Variants in THOC2 observed in about 807,000 individuals in gnomAD.
The protein encoded by THOC2 is THO complex subunit 2.
In THOC2, 10 loss-of-function variants were observed where a neutral mutation model predicts 128.4. That is an observed-to-expected ratio of 0.08 (90% confidence interval 0.05 to 0.13). The LOEUF is 0.13. THOC2 is among the 10% of genes least tolerant of loss of function. The pLI is 1.00. For synonymous variants in THOC2, 393 were observed against 396.9 expected (o/e 0.99, Z 0.12); for missense variants, 535 against 1,155.7 (o/e 0.46, Z 7.79).
At chrX:123,717,821 C>T (rs2051497092) in intron 1 of THOC2, among the ~76,000 whole-genome samples, 1 of 112,253 alleles carries the variant, frequency 8.9e-6, no homozygotes, top group Non-Finnish European at 1.9e-5. Context: ...CCAGGACCAT[C>T]TCCCACACAC....
intron 24 of THOC2, 30 bp from the exon 25 acceptor site, chrX:123,626,099 G>T: frequency 9.1e-7 from 1 of 1,094,126 alleles, no homozygotes; most frequent in Non-Finnish European, 1.2e-6. Context: ...ATATTAAGTG[G>T]TAAACTTCTT....
At position 123,687,171 on chromosome X, in the gene THOC2, G is replaced by A. The variant is rs759545278; in HGVS notation, c.602-457C>T. 1.5e-4 allele frequency among the ~76,000 whole-genome samples: 17 copies of A among 111,201 alleles called. No homozygotes were observed. In the East Asian group the frequency reaches 4.8e-3, roughly 31 times the overall value. On this transcript the variant is annotated intron_variant, in intron 7 of 38. Transcript: ENST00000245838. ...ATGCTGATAAACAGTTAAAAGTCCG[G>A]GTTCACAAAAGTGGACCATCATTTT... is the stretch of plus-strand genomic sequence containing the variant.
intron 9 of THOC2, among the ~76,000 whole-genome samples, chrX:123,669,298 A>T (rs2049168526): frequency 9.2e-6 from 1 of 109,087 alleles, no homozygotes; most frequent in African/African-American, 3.3e-5. Context: ...TACACCTGGC[A>T]CAGGTCCTCT....
chrX:123,707,779 A>G (rs1313036405), intron 2 of THOC2, among the ~76,000 whole-genome samples: 1 of 110,784 alleles, frequency 9.0e-6, no homozygotes, highest in African/African-American at 3.3e-5. Flanking sequence ...TCTCCTTTTG[A>G]GTGGAATCAA....
At chrX:123,632,555 T>C (rs773420122) in intron 21 of THOC2, among the ~76,000 whole-genome samples, 1 of 102,315 alleles carries the variant, frequency 9.8e-6, no homozygotes, top group South Asian at 4.9e-4. Context: ...CAAGCAAGCA[T>C]CTATTCTGTT....
chrX:123,700,909 G>A (rs920155913), intron 4 of THOC2, among the ~76,000 whole-genome samples: 2 of 111,340 alleles, frequency 1.8e-5, no homozygotes, highest in Non-Finnish European at 3.8e-5. Context: ...ATTATTAGAG[G>A]TAGCTAGCAT....
At chrX:123,634,593 A>C (rs989334718) in intron 19 of THOC2, among the ~76,000 whole-genome samples, 7 of 111,808 alleles carry the variant, frequency 6.3e-5, no homozygotes, top group Non-Finnish European at 1.3e-4. Flanking sequence ...TTAATCTACC[A>C]TTCATATTTC....
At chrX:123,626,966 C>A in intron 23 of THOC2, among the ~76,000 whole-genome samples, 1 of 111,935 alleles carries the variant, frequency 8.9e-6, no homozygotes, top group East Asian at 2.8e-4. Flanking sequence ...TACACTGCCA[C>A]TACCTCCATC....
At chrX:123,659,827 A>C (rs2048758835) in intron 12 of THOC2, among the ~76,000 whole-genome samples, 1 of 112,407 alleles carries the variant, frequency 8.9e-6, no homozygotes, top group Non-Finnish European at 1.9e-5. Flanking sequence ...CTAAGCTTAT[A>C]AATGAGATTT....
chrX:123,652,156 C>T (rs1193020334), intron 12 of THOC2, among the ~76,000 whole-genome samples: 4 of 112,084 alleles, frequency 3.6e-5, no homozygotes, highest in Admixed American at 1.9e-4. Context: ...TAATCCATCA[C>T]ATTAACAGAA....
At chrX:123,668,647 A>G (rs763385735) in intron 9 of THOC2, among the ~76,000 whole-genome samples, 38 of 112,139 alleles carry the variant, frequency 3.4e-4, no homozygotes, top group Non-Finnish European at 5.3e-4. Context: ...CATTAAAAAC[A>G]TTACAAATTT....
Position 123,711,767 on chromosome X carries a change from G to C in THOC2, c.130+1083C>G, listed in dbSNP as rs147363779. Reference sequence around the variant, plus strand: ...CAATGCACTCCAGCCTGGGCAACAAGAGTGAAACTCCATCTCAAATAAATA... The same window carrying C: ...CAATGCACTCCAGCCTGGGCAACAACAGTGAAACTCCATCTCAAATAAATA... On this transcript the variant is annotated intron_variant, in intron 2 of 38. Transcript: ENST00000245838. Among the ~76,000 whole-genome samples, 18 of 109,657 alleles carry C rather than the reference G, an allele frequency of 1.6e-4. No homozygotes were observed. In the East Asian group the frequency reaches 5.1e-3, roughly 31 times the overall value.
At chrX:123,667,811 C>T (rs2049108589) in intron 10 of THOC2, among the ~76,000 whole-genome samples, 1 of 110,055 alleles carries the variant, frequency 9.1e-6, no homozygotes, top group African/African-American at 3.3e-5. Flanking sequence ...GAATTAAGTT[C>T]TACTTCATGT....
chrX:123,703,890 T>TAAAAAAAAAAAAAA lies in THOC2; in HGVS notation c.223-399_223-386dup, dbSNP rs774877149. On this transcript the variant is annotated intron_variant, in intron 3 of 38. Transcript: ENST00000245838. ...TGGGCAACAGAGGAAACTCTGTCTT[T>TAAAAAAAAAAAAAA]AAAAAAAAAAAAAAAAAAAAAAATT... Among the ~76,000 whole-genome samples the TAAAAAAAAAAAAAA allele has an allele frequency of 6.1e-3, 225 of 36,983 alleles. 5 individuals are homozygous for TAAAAAAAAAAAAAA. The highest frequency in any genetic ancestry group is 0.021 in the African/African-American group (137 of 6,490). 32.1% of individuals were successfully genotyped at this position (36,983 alleles called of 115,157 possible). A position where few individuals can be genotyped will look rare whatever the true frequency, so the allele number is the denominator to read the frequency against.
chrX:123,707,537 A>G (rs2050985758), intron 2 of THOC2, among the ~76,000 whole-genome samples: 1 of 111,953 alleles, frequency 8.9e-6, no homozygotes, highest in Non-Finnish European at 1.9e-5. Flanking sequence ...TGGCAGTTCT[A>G]TGATAACTGT....
chrX:123,721,393 G>A (rs779352426), intron 1 of THOC2, among the ~76,000 whole-genome samples: 7 of 108,570 alleles, frequency 6.4e-5, no homozygotes, highest in Non-Finnish European at 1.2e-4. Flanking sequence ...GGCCAGTCTC[G>A]AACTCCTGAC....
intron 1 of THOC2, among the ~76,000 whole-genome samples, chrX:123,724,764 G>A (rs2051868854): frequency 9.0e-6 from 1 of 111,671 alleles, no homozygotes; most frequent in African/African-American, 3.3e-5. Context: ...GTCAGGCCAG[G>A]CATAGTAGCT....
intron 33 of THOC2, among the ~76,000 whole-genome samples, chrX:123,617,667 T>C (rs1314726873): frequency 1.8e-5 from 2 of 111,746 alleles, no homozygotes; most frequent in Non-Finnish European, 3.8e-5. Context: ...TGAAATGAGA[T>C]AGTACATATA....
intron 22 of THOC2, among the ~76,000 whole-genome samples, chrX:123,631,414 G>A (rs1187048679): frequency 1.8e-5 from 2 of 112,300 alleles, no homozygotes; most frequent in African/African-American, 3.2e-5. Context: ...TCAAGTAGCA[G>A]TTAGTTAGGA....
Sources: allele counts gnomAD v4.1 joint callset (sites outside exome capture counted in the v4.1 genomes callset), GRCh38; gene constraint gnomAD v4.1.1; transcripts MANE v1.5; gene names NCBI Gene and HGNC (gene_info 2026-07-23, HGNC 2026-07-21).